DNAH3: variants seen among roughly 807,000 people sequenced by gnomAD.
DNAH3 encodes dynein axonemal heavy chain 3.
A neutral mutation model predicts 432.5 loss-of-function variants in DNAH3; 332 were observed. That is an observed-to-expected ratio of 0.77 (90% CI 0.70 to 0.84). The LOEUF (loss-of-function observed/expected upper bound fraction) is 0.84. DNAH3 is among the 40% of genes least tolerant of loss of function. The pLI, the probability that DNAH3 is intolerant of heterozygous loss-of-function variation, is 0.00. For synonymous variants in DNAH3, 1,956 were observed against 1,900.2 expected (o/e 1.03, Z -0.76); for missense variants, 4,861 against 5,114.0 (o/e 0.95, Z 1.51).
chr16:21,063,720 C>T (rs916788238), intron 24 of DNAH3, among the ~76,000 whole-genome samples: 1 of 151,540 alleles, frequency 6.6e-6, no homozygotes, highest in Non-Finnish European at 1.5e-5. Context: ...TTTTTGTATA[C>T]TTTGTAGAGA....
intron 25 of DNAH3, among the ~76,000 whole-genome samples, chr16:21,060,696 T>A (rs2090325397): frequency 1.3e-5 from 2 of 150,842 alleles, no homozygotes; most frequent in African/African-American, 4.9e-5. Flanking sequence ...GCTGATGAAT[T>A]TTGTATTTTT....
intron 24 of DNAH3, among the ~76,000 whole-genome samples, chr16:21,064,860 G>GGTGTGTGTGT (rs369066790): frequency 2.0e-4 from 27 of 131,780 alleles, no homozygotes; most frequent in African/African-American, 6.5e-4. Context: ...TATTGAGGTA[G>GGTGTGTGTGT]GTGTGTGTGT....
chr16:20,971,608 C>A (rs2085345630), intron 51 of DNAH3, among the ~76,000 whole-genome samples: 1 of 152,206 alleles, frequency 6.6e-6, no homozygotes. Context: ...TCACCCTTTG[C>A]ACCGAAACCT....
intron 5 of DNAH3, among the ~76,000 whole-genome samples, chr16:21,138,030 C>T (rs2092667293): frequency 6.6e-6 from 1 of 151,646 alleles, no homozygotes; most frequent in Non-Finnish European, 1.5e-5. Flanking sequence ...GGTGGATCAC[C>T]TGAAGTCAGG....
chr16:21,069,505 GAA>G lies in DNAH3; in HGVS notation c.3289_3290del (p.Phe1097GlnfsTer20), dbSNP rs1259584307. 6.2e-7 allele frequency: 1 copy of G among 1,614,092 alleles called. No individual in the cohort carries two copies. Among genetic ancestry groups the G allele is most frequent in the African/African-American group, 1.3e-5 (1 of 75,054 alleles). ...TCTGGGCTATGATGTCCTCTGAACT[GAA>G]GATTGGTTCCAGGTACAGCCAGGTG... On this transcript the variant is annotated frameshift_variant, in exon 23 of 62. Coordinates refer to ENST00000261383, the Ensembl canonical transcript of DNAH3. LOFTEE classifies it high-confidence loss of function.
At chr16:21,044,289 T>C (rs2089591433) in intron 31 of DNAH3, among the ~76,000 whole-genome samples, 1 of 149,740 alleles carries the variant, frequency 6.7e-6, no homozygotes, top group African/African-American at 2.5e-5. Context: ...ATGATATTGA[T>C]TCTTCCTACC....
intron 20 of DNAH3, among the ~76,000 whole-genome samples, chr16:21,077,939 C>T (rs1050173930): frequency 6.6e-6 from 1 of 152,116 alleles, no homozygotes; most frequent in Non-Finnish European, 1.5e-5. Flanking sequence ...GTTTCTTCTT[C>T]CACCCTTATG....
intron 54 of DNAH3, among the ~76,000 whole-genome samples, chr16:20,956,697 G>C (rs1056860202): frequency 6.6e-6 from 1 of 151,862 alleles, no homozygotes; most frequent in Non-Finnish European, 1.5e-5. Context: ...AAGGCACAAC[G>C]CTTTTAGGTT....
In DNAH3 at chr16:21,036,854, A is replaced by G; in HGVS notation, c.4951-6T>C. On this transcript the variant is annotated splice_region_variant and splice_polypyrimidine_tract_variant and intron_variant, in intron 34 of 61. Transcript: ENST00000261383. ...AATAAATCAGATATAATTCCCTGTT[A>G]AAAAGAATTTAAAAGAAAGTGGAAA... is the stretch of plus-strand genomic sequence containing the variant. 1 of 1,604,196 alleles carries G rather than the reference A, an allele frequency of 6.2e-7. No homozygotes were observed.
intron 57 of DNAH3, among the ~76,000 whole-genome samples, chr16:20,947,812 T>C (rs961444738): frequency 4.6e-5 from 7 of 152,300 alleles, no homozygotes; most frequent in African/African-American, 1.7e-4. Context: ...ACAGTTTCAC[T>C]GTCACTCAGG....
At chr16:21,073,599 G>A (rs2090871019) in intron 21 of DNAH3, among the ~76,000 whole-genome samples, 2 of 152,156 alleles carry the variant, frequency 1.3e-5, no homozygotes, top group African/African-American at 4.8e-5. Flanking sequence ...GACATTGGAA[G>A]GCCTTGGAAG....
chr16:21,146,866 T>A (rs2092791230), intron 1 of DNAH3, among the ~76,000 whole-genome samples: 1 of 151,778 alleles, frequency 6.6e-6, no homozygotes, highest in South Asian at 2.1e-4. Context: ...GGTCAAGTGA[T>A]TCTCCTCCCT....
At chr16:21,036,470 A>C (rs1597204780) in intron 35 of DNAH3, among the ~76,000 whole-genome samples, 1 of 152,102 alleles carries the variant, frequency 6.6e-6, no homozygotes, top group African/African-American at 2.4e-5. Flanking sequence ...GCTGGAATGC[A>C]GTGGTATGAT....
At chr16:21,118,014 G>C (rs776663184) in intron 11 of DNAH3, among the ~76,000 whole-genome samples, 1 of 151,950 alleles carries the variant, frequency 6.6e-6, no homozygotes, top group Non-Finnish European at 1.5e-5. Flanking sequence ...TTTTGAGACA[G>C]TCTCACTCTA....
intron 1 of DNAH3, chr16:21,150,319 T>C (rs2092838590): frequency 6.6e-6 from 3 of 455,958 alleles, no homozygotes; most frequent in Non-Finnish European, 1.3e-5. Flanking sequence ...ATGTCACCCA[T>C]GGTGTCCACT....
intron 52 of DNAH3, among the ~76,000 whole-genome samples, chr16:20,966,521 T>C (rs965683261): frequency 2.0e-5 from 3 of 152,168 alleles, no homozygotes; most frequent in African/African-American, 7.2e-5. Flanking sequence ...GTCCATTCCC[T>C]TTATAGCACT....
At chr16:21,007,516 A>G (rs2087368924) in intron 41 of DNAH3, among the ~76,000 whole-genome samples, 1 of 152,144 alleles carries the variant, frequency 6.6e-6, no homozygotes, top group Non-Finnish European at 1.5e-5. Flanking sequence ...ATCTTCTGTA[A>G]ATAACGGTCT....
intron 20 of DNAH3, among the ~76,000 whole-genome samples, chr16:21,080,970 T>C (rs1163698014): frequency 2.0e-5 from 3 of 152,134 alleles, no homozygotes; most frequent in Non-Finnish European, 2.9e-5. Context: ...CAGGCTGTAG[T>C]GCAATGGCGC....
chr16:20,967,639 A>G (rs1040129329), intron 52 of DNAH3, among the ~76,000 whole-genome samples: 10 of 150,744 alleles, frequency 6.6e-5, no homozygotes, highest in Admixed American at 2.7e-4. Context: ...TGTAGCTGGG[A>G]TTAGGCACAC....
Sources: allele counts gnomAD v4.1 joint callset (sites outside exome capture counted in the v4.1 genomes callset), GRCh38; gene constraint gnomAD v4.1.1; transcripts MANE v1.5; gene names NCBI Gene and HGNC (gene_info 2026-07-23, HGNC 2026-07-21).